The following COL6A5 variants were observed in gnomAD, a reference collection of about 807,000 sequenced individuals.
COL6A5 encodes the protein collagen type VI alpha 5 chain, also known as collagen alpha-5(VI) chain.
COL6A5 carries 48 observed loss-of-function variants against 65.6 expected under a neutral mutation model. The observed-to-expected ratio is 0.73, with a 90% CI of 0.58 to 0.93. The LOEUF is 0.93. COL6A5 is among the 40% of genes least tolerant of loss of function. The pLI, the probability that COL6A5 is intolerant of heterozygous loss-of-function variation, is 0.00. For synonymous variants in COL6A5, 291 were observed against 322.8 expected (o/e 0.90, Z 1.05); for missense variants, 914 against 928.3 (o/e 0.98, Z 0.20).
chr3:130,431,174 A>C (rs1577502486), upstream of COL6A5: 3 of 668,660 alleles, frequency 4.5e-6, no homozygotes, highest in Non-Finnish European at 8.2e-6. Context: ...GAAGAGTTCC[A>C]TCAGCTCAAG....
At position 130,483,934 on chromosome 3, in the gene COL6A5, G is replaced by A. The variant is rs1324594223; in HGVS notation, c.2329-101G>A. 7.1e-6 allele frequency: 7 copies of A among 990,464 alleles called. No homozygotes were observed. The East Asian group carries it at 1.8e-4, about 26-fold the overall frequency. The allele number at this position is 990,464 out of a possible 1,614,324, so 61.4% of individuals were successfully genotyped here. On this transcript the variant is annotated intron_variant, in intron 7 of 7. Transcript: ENST00000512836. ...GACCATTGAAAATGACAAAAATATTGTGTTTGTTTTATATGTGGCATATAA... is the reference window on the plus strand; with the variant it reads ...GACCATTGAAAATGACAAAAATATTATGTTTGTTTTATATGTGGCATATAA...
intron 18 of COL6A5, 49 bp from the exon 19 acceptor site, chr3:130,409,960 A>G: frequency 7.6e-7 from 1 of 1,319,362 alleles, no homozygotes; most frequent in Non-Finnish European, 1.1e-6. Context: ...TTTTGGGGAA[A>G]AAGCTGATAT....
At chr3:130,398,371 T>G (rs547928677) in intron 10 of COL6A5, among the ~76,000 whole-genome samples, 33 of 152,230 alleles carry the variant, frequency 2.2e-4, no homozygotes, top group African/African-American at 7.7e-4. Flanking sequence ...ACCTCGTGAT[T>G]CACCCGACTT....
intron 4 of COL6A5, among the ~76,000 whole-genome samples, chr3:130,455,159 A>AC (rs1476955479): frequency 2.6e-5 from 4 of 151,918 alleles, no homozygotes; most frequent in African/African-American, 9.7e-5. Context: ...TCAAAAAAAA[A>AC]AAAACAAACA....
exon 5 of COL6A5, chr3:130,384,859 C>T: frequency 1.3e-6 from 2 of 1,550,526 alleles, no homozygotes; most frequent in Non-Finnish European, 1.7e-6. Flanking sequence ...GCTCAAGCAG[C>T]ATCCAGGAGA....
Position 130,385,306 on chromosome 3 carries a change from C to A in COL6A5, c.1803C>A (p.Asn601Lys), listed in dbSNP as rs995840552. The change falls in exon 5 of 42, where the codon AAC becomes AAA. Residue 601 changes from asparagine to lysine, a missense_variant and NMD_transcript_variant. Transcript: ENST00000312481. The stretch of plus-strand genomic sequence containing the variant: ...AAGAAAGGGTTAGCTTTGGGCAGAA[C>A]TTTGATGCTTTGAAAAGCATAAAAA... 4.5e-6 allele frequency: 7 copies of A among 1,550,760 alleles called. No individual in the cohort carries two copies. In the African/African-American group the frequency reaches 9.6e-5, roughly 21 times the overall value.
At chr3:130,374,946 A>G (rs1010364428) in intron 2 of COL6A5, among the ~76,000 whole-genome samples, 14 of 152,340 alleles carry the variant, frequency 9.2e-5, no homozygotes, top group African/African-American at 2.6e-4. Flanking sequence ...TACTAAAAAC[A>G]TCATTCAAAG....
intron 2 of COL6A5, among the ~76,000 whole-genome samples, chr3:130,375,428 A>T (rs985303770): frequency 6.6e-6 from 1 of 152,092 alleles, no homozygotes; most frequent in South Asian, 2.1e-4. Context: ...TTACCGGATG[A>T]CATGCCCTTC....
intron 1 of COL6A5, among the ~76,000 whole-genome samples, chr3:130,436,985 T>C (rs1448175304): frequency 2.0e-5 from 3 of 152,162 alleles, no homozygotes; most frequent in Non-Finnish European, 4.4e-5. Flanking sequence ...ACTTGCATGC[T>C]AATGGATGTT....
upstream of COL6A5, among the ~76,000 whole-genome samples, chr3:130,430,426 T>C (rs1378694611): frequency 6.6e-6 from 1 of 152,188 alleles, no homozygotes; most frequent in Non-Finnish European, 1.5e-5. Context: ...GGATATGGGA[T>C]ATTTTGAGTG....
At chr3:130,418,642 A>G (rs1396329605) in intron 24 of COL6A5, among the ~76,000 whole-genome samples, 1 of 152,018 alleles carries the variant, frequency 6.6e-6, no homozygotes, top group Non-Finnish European at 1.5e-5. Flanking sequence ...CTCCTTCAGT[A>G]CTTTTATAAC....
chr3:130,446,789 C>G (rs2107708759), intron 4 of COL6A5, among the ~76,000 whole-genome samples: 1 of 35,262 alleles, frequency 2.8e-5, no homozygotes, highest in South Asian at 8.2e-4. Context: ...ATAATTGTTC[C>G]AGGTTCCCAG....
At chr3:130,366,450 G>A (rs1019721688) in intron 1 of COL6A5, among the ~76,000 whole-genome samples, 2 of 152,160 alleles carry the variant, frequency 1.3e-5, no homozygotes, top group Admixed American at 6.5e-5. Context: ...TTGAGCCCAT[G>A]TTCCCAGACG....
intron 7 of COL6A5, among the ~76,000 whole-genome samples, chr3:130,475,806 G>A (rs1300934354): frequency 1.3e-5 from 2 of 152,122 alleles, no homozygotes; most frequent in African/African-American, 4.8e-5. Flanking sequence ...GTGAATAGCT[G>A]TACTGTCTGT....
chr3:130,420,466 G>T (rs752402246), intron 25 of COL6A5, among the ~76,000 whole-genome samples: 5 of 151,938 alleles, frequency 3.3e-5, no homozygotes, highest in Non-Finnish European at 7.4e-5. Context: ...TTTTCACTGT[G>T]GTAAACAACA....
intron 1 of COL6A5, among the ~76,000 whole-genome samples, chr3:130,364,175 T>C (rs1053691081): frequency 3.0e-4 from 46 of 152,206 alleles, no homozygotes; most frequent in Non-Finnish European, 6.6e-4. Context: ...GTGATTTTTT[T>C]CTCAAATTTT....
intron 7 of COL6A5, among the ~76,000 whole-genome samples, chr3:130,472,827 G>GTA (rs1348903661): frequency 5.6e-5 from 1 of 17,734 alleles, no homozygotes; most frequent in Non-Finnish European, 1.2e-4. Flanking sequence ...ATATGTGTGT[G>GTA]TATACATATA....
At chr3:130,403,440 C>T (rs901175866) in intron 12 of COL6A5, among the ~76,000 whole-genome samples, 169 bp from the exon 13 acceptor site, 8 of 152,136 alleles carry the variant, frequency 5.3e-5, no homozygotes, top group African/African-American at 1.9e-4. Context: ...AGTGCAAGGA[C>T]AAAAGCTAGC....
intron 28 of COL6A5, among the ~76,000 whole-genome samples, 159 bp downstream of exon 28, chr3:130,422,941 C>G (rs753344401): frequency 1.3e-5 from 2 of 152,026 alleles, no homozygotes; most frequent in Admixed American, 6.6e-5. Flanking sequence ...GTCTCTATTT[C>G]AGTAACATAA....
Sources: gnomAD v4.1 joint callset for allele counts (sites outside exome capture counted in the v4.1 genomes callset) on GRCh38, gnomAD v4.1.1 for gene constraint, MANE v1.5 for transcripts, NCBI Gene and HGNC (gene_info 2026-07-23, HGNC 2026-07-21) for gene names.